MYH16: variants seen among roughly 807,000 people sequenced by gnomAD.
MYH16 encodes putative uncharacterized protein MYH16.
At chr7:99,275,003 A>AT (rs1291983315) in intron 20 of MYH16, among the ~76,000 whole-genome samples, 2 of 148,184 alleles carry the variant, frequency 1.3e-5, no homozygotes, top group Non-Finnish European at 3.0e-5. Context: ...GAAAAAAAAA[A>AT]TTTTTTTTTG....
At chr7:99,250,851 G>A (rs541556977) in intron 5 of MYH16, among the ~76,000 whole-genome samples, 5 of 152,282 alleles carry the variant, frequency 3.3e-5, no homozygotes, top group South Asian at 2.1e-4. Context: ...GTGGCTGCCC[G>A]TGTCCCCAGG....
exon 22 of MYH16, chr7:99,279,632 C>T (rs1352310684): frequency 2.2e-6 from 1 of 456,638 alleles, no homozygotes; most frequent in African/African-American, 2.0e-5. Context: ...GCATGGCGGC[C>T]TCACTGAGTG....
chr7:99,308,968 A>G (rs1338215435), downstream of MYH16, among the ~76,000 whole-genome samples: 1 of 152,174 alleles, frequency 6.6e-6, no homozygotes, highest in Non-Finnish European at 1.5e-5. Flanking sequence ...GGCTAAGTGC[A>G]TGGAAAATGC....
chr7:99,293,922 AG>A (rs893380373), intron 32 of MYH16, 95 bp from the exon 14 acceptor site: 27 of 361,238 alleles, frequency 7.5e-5, no homozygotes, highest in African/African-American at 5.6e-4. Context: ...ACCAGAGCTT[AG>A]TACCATGCCC....
chr7:99,254,586 G>A (rs890210866), intron 8 of MYH16, among the ~76,000 whole-genome samples: 14 of 152,202 alleles, frequency 9.2e-5, no homozygotes, highest in Non-Finnish European at 1.5e-4. Context: ...ACACAGCTCA[G>A]AAAGTGGAGT....
At chr7:99,282,263 T>G (rs1000949622) in intron 23 of MYH16, among the ~76,000 whole-genome samples, 2 of 152,168 alleles carry the variant, frequency 1.3e-5, no homozygotes, top group Non-Finnish European at 2.9e-5. Context: ...TGACCTCAAG[T>G]GATCCTCCCA....
At chr7:99,239,479 C>T (rs1009643349) in intron 1 of MYH16, among the ~76,000 whole-genome samples, 1 of 152,188 alleles carries the variant, frequency 6.6e-6, no homozygotes, top group African/African-American at 2.4e-5. Flanking sequence ...TGGGTGAGCT[C>T]TTCAGCTGCA....
At chr7:99,299,927 TTTTATTTATTTATTTATTTATTTATTTA>T (rs61663432) in intron 37 of MYH16, among the ~76,000 whole-genome samples, 2 of 138,182 alleles carry the variant, frequency 1.4e-5, no homozygotes, top group African/African-American at 5.5e-5. Context: ...TTTTATTTTA[TTTTATTTATTTATTTATTTATTTATTTA>T]TTTATTTATT....
chr7:99,265,831 T>C (rs1382909805), intron 17 of MYH16: 1 of 152,526 alleles, frequency 6.6e-6, no homozygotes, highest in Non-Finnish European at 1.5e-5. Flanking sequence ...CTGGCCCAAA[T>C]TTCAGAAGAG....
rs1232508222 is a variant in MYH16 at position 99,283,658 on chromosome 7, C to T, written n.3079+7C>T. 4.4e-6 allele frequency: 2 copies of T among 456,494 alleles called. No individual in the cohort carries two copies. Among genetic ancestry groups the T allele is most frequent in the Non-Finnish European group, 8.8e-6 (2 of 226,936 alleles). 28.3% of individuals were successfully genotyped at this position (456,494 alleles called of 1,614,324 possible). A position where few individuals can be genotyped will look rare whatever the true frequency, so the allele number is the denominator to read the frequency against. On this transcript the variant is annotated splice_region_variant and intron_variant and non_coding_transcript_variant, in intron 24 of 41. Coordinates refer to ENST00000439784, the Ensembl canonical transcript of MYH16. Reference sequence around the variant, plus strand: ...GAGCACGCAGATCCATGAGGTAATACCCATTGCTGTGGCCACCTCTACAAC... The same window carrying T: ...GAGCACGCAGATCCATGAGGTAATATCCATTGCTGTGGCCACCTCTACAAC...
chr7:99,289,204 A>C (rs1424054531), intron 29 of MYH16, 83 bp from the exon 11 acceptor site: 1 of 225,466 alleles, frequency 4.4e-6, no homozygotes, highest in African/African-American at 2.3e-5. Flanking sequence ...CAGGAAGAAC[A>C]GGGCAAAAAT....
exon 20 of MYH16, chr7:99,273,414 G>C (rs1792071256): frequency 2.2e-6 from 1 of 456,762 alleles, no homozygotes; most frequent in Non-Finnish European, 4.4e-6. Flanking sequence ...GGTGGAAGCT[G>C]TACAACAAGG....
In MYH16 at chr7:99,302,317, TACACACACACACACACACACACAC is replaced by T. The variant is rs201230482; in HGVS notation, n.5137+537_5137+560del. Among the ~76,000 whole-genome samples, 5 of 95,568 alleles carry T rather than the reference TACACACACACACACACACACACAC, an allele frequency of 5.2e-5. No individual in the cohort carries two copies. In the East Asian group the frequency reaches 8.4e-4, roughly 16 times the overall value. The allele number at this position is 95,568 out of a possible 152,430, so 62.7% of individuals were successfully genotyped here. On this transcript the variant is annotated intron_variant and non_coding_transcript_variant, in intron 38 of 41. Transcript: ENST00000439784. ...ACCATCTCAAAAAAAAAAAAATATA[TACACACACACACACACACACACAC>T]ACACACACACACACACACACACATC...
chr7:99,279,022 T>C (rs1305776452), intron 21 of MYH16, among the ~76,000 whole-genome samples: 1 of 151,336 alleles, frequency 6.6e-6, no homozygotes, highest in African/African-American at 2.4e-5. Context: ...TGAAACCCCA[T>C]CTCTACAAAA....
intron 32 of MYH16, 65 bp downstream of exon 13, chr7:99,292,573 A>G: frequency 2.3e-6 from 1 of 440,816 alleles, no homozygotes; most frequent in Non-Finnish European, 4.6e-6. Flanking sequence ...GGGCCTCACC[A>G]CCATGTCAGT....
At chr7:99,280,956 G>T in exon 23 of MYH16, 1 of 417,912 alleles carries the variant, frequency 2.4e-6, no homozygotes. Context: ...AGAAGGAGAA[G>T]AGGGCCCTAG....
rs1369357959 is a variant in MYH16 at position 99,295,454 on chromosome 7, C to T, written n.4283-1247C>T. Among the ~76,000 whole-genome samples the T allele has an allele frequency of 3.3e-5, 5 of 152,130 alleles. No homozygotes were observed. In the East Asian group the frequency reaches 9.6e-4, roughly 29 times the overall value. On this transcript the variant is annotated intron_variant and non_coding_transcript_variant, in intron 33 of 41. Transcript: ENST00000439784. ...TCTTACACAAACTACATCCCACATA[C>T]TTTGCGTGGCTAACTATTCCTATTT...
chr7:99,273,991 G>A (rs1453073157), intron 20 of MYH16, among the ~76,000 whole-genome samples: 1 of 152,204 alleles, frequency 6.6e-6, no homozygotes, highest in Non-Finnish European at 1.5e-5. Context: ...TTAAGATGGA[G>A]AGCGCCATAC....
At chr7:99,283,929 T>A (rs553121987) in exon 25 of MYH16, 20 of 456,508 alleles carry the variant, frequency 4.4e-5, no homozygotes, top group Non-Finnish European at 8.4e-5. Context: ...AAAAGGCTCG[T>A]CGGAAAGCTG....
Sources: gnomAD v4.1 joint callset for allele counts (sites outside exome capture counted in the v4.1 genomes callset) on GRCh38, gnomAD v4.1.1 for gene constraint, MANE v1.5 for transcripts, NCBI Gene and HGNC (gene_info 2026-07-23, HGNC 2026-07-21) for gene names.